Variants in CYP7B1 observed in about 807,000 individuals in gnomAD.
CYP7B1 encodes cytochrome P450 7B1.
A neutral mutation model predicts 42.7 loss-of-function variants in CYP7B1; 29 were observed. That is an observed-to-expected ratio of 0.68 (90% CI 0.51 to 0.93). CYP7B1 has a LOEUF of 0.93. CYP7B1 is among the 40% of genes least tolerant of loss of function. The pLI is 0.00. For missense variants in CYP7B1, 655 were observed against 600.5 expected (o/e 1.09, Z -0.95); for synonymous variants, 235 against 218.2 (o/e 1.08, Z -0.68).
intron 1 of CYP7B1, among the ~76,000 whole-genome samples, chr8:64,719,346 A>C (rs558049301): frequency 6.6e-5 from 10 of 152,220 alleles, no homozygotes; most frequent in Non-Finnish European, 1.2e-4. Flanking sequence ...ATGATAAATC[A>C]GTAGTGAGTG....
intron 1 of CYP7B1, among the ~76,000 whole-genome samples, chr8:64,674,819 T>C (rs1299646369): frequency 6.6e-6 from 1 of 152,154 alleles, no homozygotes; most frequent in Non-Finnish European, 1.5e-5. Context: ...GCGTTTCAGA[T>C]GACTCATCTT....
intron 1 of CYP7B1, among the ~76,000 whole-genome samples, chr8:64,794,593 G>A (rs959150498): frequency 6.6e-6 from 1 of 152,012 alleles, no homozygotes; most frequent in African/African-American, 2.4e-5. Context: ...GAGCCCTTTG[G>A]GATCTCTTTT....
chr8:64,732,509 C>T (rs1002847259), intron 1 of CYP7B1, among the ~76,000 whole-genome samples: 12 of 152,184 alleles, frequency 7.9e-5, no homozygotes, highest in Admixed American at 2.0e-4. Flanking sequence ...GGCTCATAGG[C>T]GGAAGGGATT....
At chr8:64,657,229 T>C (rs1806134098) in intron 1 of CYP7B1, among the ~76,000 whole-genome samples, 1 of 152,210 alleles carries the variant, frequency 6.6e-6, no homozygotes, top group African/African-American at 2.4e-5. Flanking sequence ...GTAGCTTCAC[T>C]ATGTTCATTT....
chr8:64,756,555 T>C (rs970558563), intron 1 of CYP7B1, among the ~76,000 whole-genome samples: 3 of 152,228 alleles, frequency 2.0e-5, no homozygotes, highest in African/African-American at 4.8e-5. Flanking sequence ...ACTGCTGTCA[T>C]GTGGCAAACC....
chr8:64,593,232 GGTGTGTGTGTGTGTGTGTGTGTGTGT>G lies in CYP7B1; in HGVS notation c.*3384_*3409del, dbSNP rs57590025. ...TGGTGGACTAAAGGCTAGGGCCCAG[GGTGTGTGTGTGTGTGTGTGTGTGTGT>G]GTGTGTGTGTGTGTGTGTGTGTGTG... On this transcript the variant is annotated 3_prime_UTR_variant, in exon 6 of 6. Transcript: ENST00000310193. Among the ~76,000 whole-genome samples the G allele has an allele frequency of 1.7e-3, 205 of 123,454 alleles. 1 individual carries two copies. The East Asian group carries it at 0.033, about 20-fold the overall frequency. The allele number at this position is 123,454 out of a possible 152,430, so 81.0% of individuals were successfully genotyped here. A position where few individuals can be genotyped will look rare whatever the true frequency, so the allele number is the denominator to read the frequency against.
intron 1 of CYP7B1, among the ~76,000 whole-genome samples, chr8:64,743,695 T>C (rs1807602623): frequency 6.6e-6 from 1 of 152,144 alleles, no homozygotes; most frequent in South Asian, 2.1e-4. Context: ...GAGTATGACC[T>C]CATTTAACTT....
intron 1 of CYP7B1, among the ~76,000 whole-genome samples, chr8:64,712,630 C>T (rs1807097763): frequency 1.3e-5 from 2 of 151,046 alleles, no homozygotes; most frequent in Non-Finnish European, 2.9e-5. Flanking sequence ...ATATTTTTCT[C>T]CTCATTTATA....
At chr8:64,632,232 T>C (rs1805707290) in intron 1 of CYP7B1, among the ~76,000 whole-genome samples, 1 of 152,182 alleles carries the variant, frequency 6.6e-6, no homozygotes. Context: ...AATGCAATAC[T>C]ATCCAGCCTT....
intron 1 of CYP7B1, among the ~76,000 whole-genome samples, chr8:64,633,011 GACTATTGTC>G (rs1805720075): frequency 6.6e-6 from 1 of 152,130 alleles, no homozygotes; most frequent in South Asian, 2.1e-4. Flanking sequence ...GAAGTGACCA[GACTATTGTC>G]ACTGGAAGTC....
At chr8:64,605,951 AG>A (rs1805272421) in intron 4 of CYP7B1, among the ~76,000 whole-genome samples, 1 of 152,196 alleles carries the variant, frequency 6.6e-6, no homozygotes, top group South Asian at 2.1e-4. Flanking sequence ...CCCATCCGTG[AG>A]GGCTTGCATC....
intron 1 of CYP7B1, among the ~76,000 whole-genome samples, chr8:64,787,332 T>C (rs1361470423): frequency 1.3e-5 from 2 of 152,230 alleles, no homozygotes; most frequent in African/African-American, 4.8e-5. Flanking sequence ...AGAAATTTCT[T>C]CCACCAGATA....
intron 1 of CYP7B1, among the ~76,000 whole-genome samples, chr8:64,718,989 G>A (rs73243411): frequency 0.041 from 6,181 of 152,196 alleles, 416 homozygotes; most frequent in African/African-American, 0.14. Flanking sequence ...ATAGTTGTGA[G>A]GTCACTGGAA....
intron 1 of CYP7B1, among the ~76,000 whole-genome samples, chr8:64,747,151 T>C (rs1807655161): frequency 6.7e-6 from 1 of 148,620 alleles, no homozygotes; most frequent in African/African-American, 2.4e-5. Context: ...TAAGCATACA[T>C]AAGTATATAT....
At chr8:64,794,054 C>A (rs1391779370) in intron 1 of CYP7B1, among the ~76,000 whole-genome samples, 1 of 151,974 alleles carries the variant, frequency 6.6e-6, no homozygotes. Flanking sequence ...AAAGAACAGA[C>A]CAATATTGAG....
At chr8:64,690,980 T>A (rs1806730776) in intron 1 of CYP7B1, among the ~76,000 whole-genome samples, 1 of 152,212 alleles carries the variant, frequency 6.6e-6, no homozygotes, top group African/African-American at 2.4e-5. Flanking sequence ...TTCCTCCTCC[T>A]GGTTTGATGA....
At chr8:64,668,731 A>T (rs960129372) in intron 1 of CYP7B1, among the ~76,000 whole-genome samples, 12 of 151,774 alleles carry the variant, frequency 7.9e-5, no homozygotes, top group Non-Finnish European at 1.5e-4. Context: ...TGACCAAAAA[A>T]AAAAAAAAAG....
At chr8:64,638,865 G>C (rs915540019) in intron 1 of CYP7B1, among the ~76,000 whole-genome samples, 6 of 151,892 alleles carry the variant, frequency 4.0e-5, no homozygotes, top group African/African-American at 1.4e-4. Flanking sequence ...GCATGAACAT[G>C]TATATGTATT....
intron 1 of CYP7B1, among the ~76,000 whole-genome samples, chr8:64,721,807 T>C (rs755291169): frequency 7.9e-5 from 12 of 152,176 alleles, no homozygotes; most frequent in Non-Finnish European, 1.8e-4. Context: ...ACACAGCCTA[T>C]ATAATTATGA....
Sources: gnomAD v4.1 joint callset for allele counts (sites outside exome capture counted in the v4.1 genomes callset) on GRCh38, gnomAD v4.1.1 for gene constraint, MANE v1.5 for transcripts, NCBI Gene and HGNC (gene_info 2026-07-23, HGNC 2026-07-21) for gene names.